RPS6KA1: variants seen among roughly 807,000 people sequenced by gnomAD.
RPS6KA1 encodes the protein ribosomal protein S6 kinase A1.
A neutral mutation model predicts 91.3 loss-of-function variants in RPS6KA1; 48 were observed. That is an observed-to-expected ratio of 0.53 (90% CI 0.42 to 0.67). The LOEUF is 0.67. Among genes scored for constraint, RPS6KA1 ranks in the 30% least tolerant of loss-of-function variants. The pLI is 0.00. For missense variants in RPS6KA1, 719 were observed against 960.5 expected, an observed-to-expected ratio of 0.75 and a Z score of 3.32; for synonymous variants, 359 against 384.7, an observed-to-expected ratio of 0.93 and a Z score of 0.78.
intron 2 of RPS6KA1, chr1:26,546,013 G>A: frequency 6.2e-7 from 1 of 1,611,664 alleles, no homozygotes; most frequent in Non-Finnish European, 8.5e-7. Flanking sequence ...CCTGGCCCTG[G>A]CTCTGGCCCC....
chr1:26,547,428 A>G lies in RPS6KA1; in HGVS notation c.307+158A>G, dbSNP rs2076005272. 9 of 626,218 alleles carry G rather than the reference A, an allele frequency of 1.4e-5. No homozygotes were observed. Among genetic ancestry groups the G allele is most frequent in the Non-Finnish European group, 2.3e-5 (8 of 352,116 alleles). 38.8% of individuals were successfully genotyped at this position (626,218 alleles called of 1,614,324 possible). ...GCCTATTTCTCAGCTATCCCTCGCC[A>G]GCCAATCCTCCTCCCCCTAAGCCAA... is the stretch of plus-strand genomic sequence containing the variant. On this transcript the variant is annotated intron_variant, in intron 4 of 21. Transcript: ENST00000374168. This position sits in a 1 kb window ranked among gnomAD's most constrained non-coding sequence, Gnocchi z 4.1.
At chr1:26,543,007 T>G in intron 2 of RPS6KA1, 1 of 768,142 alleles carries the variant, frequency 1.3e-6, no homozygotes, top group South Asian at 1.8e-5. Flanking sequence ...CCCTCCTCTA[T>G]AGAGGAGCCT....
At chr1:26,548,590 G>C (rs964857440) in intron 4 of RPS6KA1, among the ~76,000 whole-genome samples, 4 of 152,138 alleles carry the variant, frequency 2.6e-5, no homozygotes, top group African/African-American at 9.7e-5. Flanking sequence ...TTGAGGTCAA[G>C]AGTTCGAGAC....
intron 2 of RPS6KA1, chr1:26,543,033 CCTCCTCCCTGCAGAGGGGGAAGTG>C: frequency 1.0e-6 from 1 of 998,004 alleles, no homozygotes; most frequent in Non-Finnish European, 1.5e-6. Flanking sequence ...ATCATCTGCC[CCTCCTCCCTGCAGAGGGGGAAGTG>C]AGAAGGAGGG....
Position 26,561,156 on chromosome 1 carries a change from T to G in RPS6KA1, c.1431+22T>G. The G allele has an allele frequency of 6.3e-7, 1 of 1,591,278 alleles. No homozygotes were observed. The highest frequency in any genetic ancestry group is 2.2e-5 in the East Asian group (1 of 44,724). The stretch of plus-strand genomic sequence containing the variant: ...AGATGTGAGTGGGGGTCCTTAAGAC[T>G]GGGGTGGGGACCAGGAACTCAACTC... On this transcript the variant is annotated intron_variant, in intron 16 of 21. Coordinates refer to ENST00000374168, the MANE Select transcript of RPS6KA1 (RefSeq NM_002953.4). The surrounding 1 kb of genome is among the most constrained non-coding windows in gnomAD (Gnocchi z 5.7).
At chr1:26,569,798 A>G (rs746377539) in intron 17 of RPS6KA1, among the ~76,000 whole-genome samples, 2 of 152,180 alleles carry the variant, frequency 1.3e-5, no homozygotes, top group Non-Finnish European at 2.9e-5. Context: ...GGCATTCCAC[A>G]GACATAGGGT....
Position 26,554,345 on chromosome 1 carries a change from G to C in RPS6KA1, c.613+94G>C. ...TGAGTGCTGGGGGCTCATTCTTCCC[G>C]AGAAGCCGTGCCAGTTACTTGGAAG... On this transcript the variant is annotated intron_variant, in intron 8 of 21. Coordinates refer to ENST00000374168, the MANE Select transcript of RPS6KA1 (RefSeq NM_002953.4). This position sits in a 1 kb window ranked among gnomAD's most constrained non-coding sequence, Gnocchi z 4.6. 1 of 1,345,270 alleles carries C rather than the reference G, an allele frequency of 7.4e-7. No individual in the cohort carries two copies. The highest frequency in any genetic ancestry group is 1.0e-6 in the Non-Finnish European group (1 of 977,890). The allele number at this position is 1,345,270 out of a possible 1,614,324, so 83.3% of individuals were successfully genotyped here. A position where few individuals can be genotyped will look rare whatever the true frequency, so the allele number is the denominator to read the frequency against.
chr1:26,571,437 C>G lies in RPS6KA1; in HGVS notation c.1591-12C>G, dbSNP rs1332383926. 3 of 1,613,900 alleles carry G rather than the reference C, an allele frequency of 1.9e-6. No homozygotes were observed. The Admixed American group carries it at 5.0e-5, about 27-fold the overall frequency. ...CCCACACTGAGAACTGACCCCAGCC[C>G]CCTGCCCCTAGGTTGTGCACAGGGA... On this transcript the variant is annotated splice_polypyrimidine_tract_variant and intron_variant, in intron 17 of 21. Coordinates refer to ENST00000374168, the MANE Select transcript of RPS6KA1 (RefSeq NM_002953.4). This position sits in a 1 kb window ranked among gnomAD's most constrained non-coding sequence, Gnocchi z 5.1.
intron 14 of RPS6KA1, 81 bp downstream of exon 14, chr1:26,559,018 C>A: frequency 6.6e-7 from 1 of 1,518,062 alleles, no homozygotes; most frequent in East Asian, 2.3e-5. Context: ...TGGACAGAAC[C>A]AGGTTCATAC....
chr1:26,555,287 G>A lies in RPS6KA1; in HGVS notation c.827+66G>A. On this transcript the variant is annotated intron_variant, in intron 10 of 21. Transcript: ENST00000374168. This position sits in a 1 kb window ranked among gnomAD's most constrained non-coding sequence, Gnocchi z 4.3. ...AGCCCCAGCCCCAGTTTGGGGGTCA[G>A]AATATTATTACCCTGTCCCTGCCTC... 6.7e-7 allele frequency: 1 copy of A among 1,487,536 alleles called. No individual in the cohort carries two copies. Among genetic ancestry groups the A allele is most frequent in the Non-Finnish European group, 9.4e-7 (1 of 1,068,572 alleles). The allele number at this position is 1,487,536 out of a possible 1,614,324, so 92.1% of individuals were successfully genotyped here.
intron 17 of RPS6KA1, among the ~76,000 whole-genome samples, chr1:26,567,213 A>G (rs2076210560): frequency 6.6e-6 from 1 of 151,484 alleles, no homozygotes; most frequent in Non-Finnish European, 1.5e-5. Flanking sequence ...TTTTGTAGAG[A>G]CAGGGTCTTA....
intron 6 of RPS6KA1, among the ~76,000 whole-genome samples, chr1:26,553,092 C>T (rs1489599542): frequency 1.3e-5 from 2 of 152,140 alleles, no homozygotes; most frequent in African/African-American, 4.8e-5. Flanking sequence ...CTCCTTGTTC[C>T]AGTTCATGGC....
chr1:26,546,014 C>T (rs377611375), intron 2 of RPS6KA1: 3 of 1,611,734 alleles, frequency 1.9e-6, no homozygotes, highest in African/African-American at 1.3e-5. Context: ...CTGGCCCTGG[C>T]TCTGGCCCCC....
rs2075854805 is a variant in RPS6KA1, at chr1:26,529,862, C to T, written c.-59C>T. 2 of 1,351,114 alleles carry T rather than the reference C, an allele frequency of 1.5e-6. No homozygotes were observed. The highest frequency in any genetic ancestry group is 1.9e-6 in the Non-Finnish European group (2 of 1,036,274). The allele number at this position is 1,351,114 out of a possible 1,614,324, so 83.7% of individuals were successfully genotyped here. On this transcript the variant is annotated 5_prime_UTR_variant, in exon 1 of 22. Coordinates refer to ENST00000374168, the MANE Select transcript of RPS6KA1 (RefSeq NM_002953.4). The surrounding 1 kb of genome is among the most constrained non-coding windows in gnomAD (Gnocchi z 4.2). Reference sequence around the variant, plus strand: ...GGTCGCAGAGCCAGGGACCCCAGGACCCGGGAGGCGGCGCAGCCGGGGCCG... The same window carrying T: ...GGTCGCAGAGCCAGGGACCCCAGGATCCGGGAGGCGGCGCAGCCGGGGCCG...
Position 26,553,230 on chromosome 1 carries a change from C to G in RPS6KA1, c.469-161C>G, listed in dbSNP as rs529213777. The stretch of plus-strand genomic sequence containing the variant: ...TGAGTGGCTTGCGTATTAGTCATTT[C>G]ATACTTCAAATCCTTTGTATGATGA... On this transcript the variant is annotated intron_variant, in intron 6 of 21. Transcript: ENST00000374168. Among the ~76,000 whole-genome samples the G allele has an allele frequency of 3.3e-5, 5 of 152,286 alleles. 1 individual carries two copies. In the East Asian group the frequency reaches 9.7e-4, roughly 29 times the overall value.
intron 1 of RPS6KA1, 64 bp from the exon 2 acceptor site, chr1:26,536,861 A>C: frequency 6.0e-5 from 95 of 1,580,106 alleles, no homozygotes; most frequent in Non-Finnish European, 7.3e-5. Context: ...GGTGCCCCAC[A>C]GAGTCTTTCT....
rs1218680907 is a variant in RPS6KA1, at chr1:26,553,525, G to A, written c.575+28G>A. ...GAGTGAAGCCTCCAGCCCCACCCCAGCCTCCCCAGGGGAGGCCTCTTCTAG... is the reference window on the plus strand; with the variant it reads ...GAGTGAAGCCTCCAGCCCCACCCCAACCTCCCCAGGGGAGGCCTCTTCTAG... On this transcript the variant is annotated intron_variant, in intron 7 of 21. Transcript: ENST00000374168. 3.3e-6 allele frequency: 5 copies of A among 1,506,420 alleles called. No homozygotes were observed. In the African/African-American group the frequency reaches 4.1e-5, roughly 12 times the overall value. 93.3% of individuals were successfully genotyped at this position (1,506,420 alleles called of 1,614,324 possible).
At position 26,555,673 on chromosome 1, in the gene RPS6KA1, G is replaced by C; in HGVS notation, c.916+48G>C. 1 of 1,529,252 alleles carries C rather than the reference G, an allele frequency of 6.5e-7. No homozygotes were observed. The highest frequency in any genetic ancestry group is 1.9e-5 in the Admixed American group (1 of 52,134). 94.7% of individuals were successfully genotyped at this position (1,529,252 alleles called of 1,614,324 possible). ...AGGGGATGTGGCGATGGGGAGCCGG[G>C]TACAGCTGCAGCCTAGGCCACAGGG... On this transcript the variant is annotated intron_variant, in intron 11 of 21. Transcript: ENST00000374168. The surrounding 1 kb of genome is among the most constrained non-coding windows in gnomAD (Gnocchi z 4.3).
chr1:26,543,642 T>C (rs560054332), intron 2 of RPS6KA1, among the ~76,000 whole-genome samples: 9 of 152,128 alleles, frequency 5.9e-5, no homozygotes, highest in African/African-American at 2.2e-4. Context: ...ACCCTAGTAC[T>C]GAAGGAGAAG....
Sources: gnomAD v4.1 joint callset for allele counts (sites outside exome capture counted in the v4.1 genomes callset) on GRCh38, gnomAD v4.1.1 for gene constraint, Gnocchi (gnomAD v3.1) non-coding constraint, MANE v1.5 for transcripts, NCBI Gene and HGNC (gene_info 2026-07-23, HGNC 2026-07-21) for gene names.